The following TAS2R1 variants were observed in gnomAD, a reference collection of about 807,000 sequenced individuals.
TAS2R1 encodes taste receptor type 2 member 1.
For synonymous variants in TAS2R1, 141 were observed against 134.2 expected, an observed-to-expected ratio of 1.05 and a Z score of -0.35; for missense variants, 370 against 353.4, an observed-to-expected ratio of 1.05 and a Z score of -0.38.
chr5:9,734,670 C>T, the TAS2R1 span, among the ~76,000 whole-genome samples: 4 of 152,072 alleles, frequency 2.6e-5, no homozygotes, highest in South Asian at 8.3e-4. Context: ...CCCTACAATC[C>T]CTACAGTAAT....
At chr5:9,902,088 C>G in the TAS2R1 span, among the ~76,000 whole-genome samples, 2 of 152,032 alleles carry the variant, frequency 1.3e-5, no homozygotes, top group African/African-American at 2.4e-5. Flanking sequence ...CAGTTGACAC[C>G]TGGGGTAAGC....
chr5:9,815,301 T>C, the TAS2R1 span, among the ~76,000 whole-genome samples: 1 of 152,126 alleles, frequency 6.6e-6, no homozygotes, highest in South Asian at 2.1e-4. Flanking sequence ...TAGATGCTGG[T>C]CAGCATCAAG....
chr5:9,654,439 T>C (rs1008578615), intron 2 of TAS2R1, among the ~76,000 whole-genome samples: 4 of 152,054 alleles, frequency 2.6e-5, no homozygotes, highest in African/African-American at 9.7e-5. Context: ...CCATGCAAGA[T>C]TAAACACATG....
chr5:9,871,374 T>C, the TAS2R1 span, among the ~76,000 whole-genome samples: 1 of 152,208 alleles, frequency 6.6e-6, no homozygotes, highest in South Asian at 2.1e-4. Context: ...ATAAGCATCA[T>C]ATTTTCCTGT....
intron 1 of TAS2R1, among the ~76,000 whole-genome samples, chr5:9,691,171 C>T (rs1339922995): frequency 6.6e-6 from 1 of 152,224 alleles, no homozygotes; most frequent in African/African-American, 2.4e-5. Flanking sequence ...AATCCGGTCA[C>T]ATGTGTCCTC....
the TAS2R1 span, among the ~76,000 whole-genome samples, chr5:9,749,639 A>C: frequency 6.6e-6 from 1 of 152,364 alleles, no homozygotes; most frequent in South Asian, 2.1e-4. Flanking sequence ...TCTTCCATGT[A>C]GCTGTTGAAG....
the TAS2R1 span, among the ~76,000 whole-genome samples, chr5:9,826,870 T>C: frequency 6.6e-6 from 1 of 152,160 alleles, no homozygotes; most frequent in Non-Finnish European, 1.5e-5. Flanking sequence ...TCCTGCCTTC[T>C]ACTTACCAAA....
the TAS2R1 span, among the ~76,000 whole-genome samples, chr5:9,751,563 T>C: frequency 6.6e-6 from 1 of 152,178 alleles, no homozygotes; most frequent in African/African-American, 2.4e-5. Flanking sequence ...ATTCCTTCTG[T>C]TTTCTTTTTA....
At chr5:9,677,393 T>A (rs182455874) in intron 1 of TAS2R1, among the ~76,000 whole-genome samples, 6 of 151,586 alleles carry the variant, frequency 4.0e-5, no homozygotes, top group Admixed American at 1.3e-4. Flanking sequence ...CCTGTACTTG[T>A]ACCCTTGAAC....
rs370098477 is a variant in TAS2R1, at chr5:9,630,015, G to C, written c.18C>G (p.Leu6=). MLESH[L]IIYFLLAVIQ... ...TCACTGCAAGAAGAAAATAGATAAT[G>C]AGGTGAGACTCTAGCATTTTAGGAA... Residue 6 remains leucine (L), a synonymous_variant, in exon 1 of 1, where the codon CTC becomes CTG. Transcript: ENST00000382492. The C allele has an allele frequency of 7.6e-6, 12 of 1,575,932 alleles. No homozygotes were observed. The African/African-American group carries it at 1.4e-4, about 18-fold the overall frequency.
In TAS2R1 at chr5:9,627,354, T is replaced by G. The variant is rs907428803; in HGVS notation, c.*1779A>C. ...GGAAAGTAGACTATGAAAATGTTTT[T>G]AGAATTGTTTTATTATGAATTCTTT... On this transcript the variant is annotated 3_prime_UTR_variant, in exon 1 of 1. Transcript: ENST00000382492. Among the ~76,000 whole-genome samples, 1 of 150,690 alleles carries G rather than the reference T, an allele frequency of 6.6e-6. No homozygotes were observed. Among genetic ancestry groups the G allele is most frequent in the Non-Finnish European group, 1.5e-5 (1 of 68,036 alleles).
At chr5:9,755,566 G>A in the TAS2R1 span, among the ~76,000 whole-genome samples, 21 of 130,782 alleles carry the variant, frequency 1.6e-4, no homozygotes, top group Non-Finnish European at 2.6e-4. Flanking sequence ...CAGCCTGGGC[G>A]ACAGAGTGAG....
chr5:9,784,770 G>A, the TAS2R1 span, among the ~76,000 whole-genome samples: 2 of 152,110 alleles, frequency 1.3e-5, no homozygotes, highest in African/African-American at 4.8e-5. Flanking sequence ...TCCCTGGCTG[G>A]TGGCAGCATC....
chr5:9,776,639 T>C, the TAS2R1 span, among the ~76,000 whole-genome samples: 5 of 152,338 alleles, frequency 3.3e-5, no homozygotes, highest in African/African-American at 1.2e-4. Flanking sequence ...TTACTCACTT[T>C]CCCATTCCTC....
the TAS2R1 span, among the ~76,000 whole-genome samples, chr5:9,842,722 C>T: frequency 6.6e-6 from 1 of 152,032 alleles, no homozygotes; most frequent in Non-Finnish European, 1.5e-5. Flanking sequence ...TATCTCTACT[C>T]CTAGAGTCTA....
chr5:9,791,230 T>TGATG, the TAS2R1 span, among the ~76,000 whole-genome samples: 1 of 152,094 alleles, frequency 6.6e-6, no homozygotes, highest in Non-Finnish European at 1.5e-5. Context: ...ATCATGGGTA[T>TGATG]GATGAGATGA....
chr5:9,811,581 C>A, the TAS2R1 span, among the ~76,000 whole-genome samples: 1 of 152,148 alleles, frequency 6.6e-6, no homozygotes, highest in Non-Finnish European at 1.5e-5. Flanking sequence ...GCTCCATCTC[C>A]TCTGCTGGTT....
chr5:9,656,333 G>A lies in TAS2R1; in HGVS notation c.-81+3088C>T, dbSNP rs531963968. Reference sequence around the variant, plus strand: ...ATGTTTTCTGAAGATGTAGTAGATGGAGTTCTCCAGAGCAACTGAACCAAT... The same window carrying A: ...ATGTTTTCTGAAGATGTAGTAGATGAAGTTCTCCAGAGCAACTGAACCAAT... On this transcript the variant is annotated intron_variant, in intron 2 of 2. Transcript: ENST00000506620. 2.0e-5 allele frequency among the ~76,000 whole-genome samples: 3 copies of A among 152,296 alleles called. No homozygotes were observed. The South Asian group carries it at 6.2e-4, about 32-fold the overall frequency.
At chr5:9,719,082 T>C in the TAS2R1 span, among the ~76,000 whole-genome samples, 6 of 152,220 alleles carry the variant, frequency 3.9e-5, no homozygotes, top group African/African-American at 1.4e-4. Flanking sequence ...AGGTATTGCA[T>C]CAATGTGTGT....
Sources: allele counts gnomAD v4.1 joint callset (sites outside exome capture counted in the v4.1 genomes callset), GRCh38; gene constraint gnomAD v4.1.1; transcripts MANE v1.5; gene names NCBI Gene and HGNC (gene_info 2026-07-23, HGNC 2026-07-21).